SSBP2: variants seen among roughly 807,000 people sequenced by gnomAD.
The protein encoded by SSBP2 is single stranded DNA binding protein 2, also known as single-stranded DNA-binding protein 2.
SSBP2 carries 17 observed loss-of-function variants against 61.8 expected under a neutral mutation model. The observed-to-expected ratio is 0.28, with a 90% confidence interval of 0.19 to 0.41. The LOEUF (loss-of-function observed/expected upper bound fraction) is 0.41, where lower values mean the gene tolerates loss of function less well. Among genes scored for constraint, SSBP2 ranks in the 10% least tolerant of loss-of-function variants. SSBP2 has a pLI of 1.00. For missense variants in SSBP2, 310 were observed against 458.7 expected (o/e 0.68, Z 2.96); for synonymous variants, 139 against 141.3 (o/e 0.98, Z 0.12).
At chr5:81,585,392 A>T (rs1397811241) in intron 4 of SSBP2, among the ~76,000 whole-genome samples, 2 of 152,168 alleles carry the variant, frequency 1.3e-5, no homozygotes, top group African/African-American at 4.8e-5. Flanking sequence ...GATATAAGAT[A>T]TAAGCTAAAT....
intron 1 of SSBP2, among the ~76,000 whole-genome samples, chr5:81,696,879 A>G (rs928601707): frequency 1.8e-4 from 28 of 152,292 alleles, no homozygotes; most frequent in African/African-American, 6.7e-4. Context: ...CGTATTCCTC[A>G]CCTGGCATCT....
chr5:81,550,575 C>G (rs1772095969), intron 4 of SSBP2, among the ~76,000 whole-genome samples: 1 of 152,176 alleles, frequency 6.6e-6, no homozygotes, highest in Non-Finnish European at 1.5e-5. Context: ...CACAAATGGT[C>G]TAGAACCTCA....
intron 1 of SSBP2, among the ~76,000 whole-genome samples, chr5:81,688,037 C>T (rs539055716): frequency 1.1e-3 from 171 of 152,206 alleles, no homozygotes; most frequent in African/African-American, 4.0e-3. Context: ...CAGTAGGGTA[C>T]CTGCTTGGCC....
intron 1 of SSBP2, among the ~76,000 whole-genome samples, chr5:81,688,051 G>A (rs1421882206): frequency 1.3e-5 from 2 of 152,218 alleles, no homozygotes; most frequent in African/African-American, 4.8e-5. Flanking sequence ...CTTGGCCCTG[G>A]GTCCAGGCCT....
At chr5:81,424,243 G>A (rs112390191) in intron 16 of SSBP2, among the ~76,000 whole-genome samples, 49 of 152,038 alleles carry the variant, frequency 3.2e-4, no homozygotes, top group African/African-American at 8.9e-4. Context: ...GACCAACATG[G>A]TGAAACCCCG....
At chr5:81,522,413 A>G (rs1769562203) in intron 4 of SSBP2, among the ~76,000 whole-genome samples, 1 of 152,046 alleles carries the variant, frequency 6.6e-6, no homozygotes, top group African/African-American at 2.4e-5. Flanking sequence ...CAATTTTTAT[A>G]AACTTTCTGG....
At chr5:81,469,191 CTG>C (rs1204838096) in intron 8 of SSBP2, among the ~76,000 whole-genome samples, 1 of 151,902 alleles carries the variant, frequency 6.6e-6, no homozygotes, top group Non-Finnish European at 1.5e-5. Context: ...CTGCATCTCT[CTG>C]TGTGTGATCT....
intron 1 of SSBP2, among the ~76,000 whole-genome samples, chr5:81,671,023 C>T (rs1410770968): frequency 2.0e-5 from 3 of 152,068 alleles, no homozygotes; most frequent in Non-Finnish European, 4.4e-5. Flanking sequence ...GCAATATATC[C>T]GACCTGTACT....
chr5:81,484,252 A>AT (rs1414599449), intron 6 of SSBP2, among the ~76,000 whole-genome samples: 3 of 152,196 alleles, frequency 2.0e-5, no homozygotes, highest in African/African-American at 4.8e-5. Context: ...TGACTATAAG[A>AT]TAATGAGGTA....
intron 4 of SSBP2, among the ~76,000 whole-genome samples, chr5:81,522,365 T>C (rs1434422307): frequency 1.3e-5 from 2 of 152,038 alleles, no homozygotes; most frequent in African/African-American, 4.8e-5. Context: ...TAAATAGTAT[T>C]AGCTTAGAGT....
chr5:81,749,609 A>G (rs1427760627), intron 1 of SSBP2, among the ~76,000 whole-genome samples: 1 of 152,076 alleles, frequency 6.6e-6, no homozygotes, highest in Non-Finnish European at 1.5e-5. Context: ...CGACAAGGAT[A>G]ACTCTGACCC....
chr5:81,421,883 T>C (rs1001230857), intron 16 of SSBP2, among the ~76,000 whole-genome samples: 2 of 152,210 alleles, frequency 1.3e-5, no homozygotes, highest in African/African-American at 4.8e-5. Context: ...TTTTAATTTA[T>C]TCATGTATCC....
chr5:81,429,641 CTGGCTTACTTT>C (rs1233111656), intron 15 of SSBP2, among the ~76,000 whole-genome samples: 1 of 152,104 alleles, frequency 6.6e-6, no homozygotes, highest in Non-Finnish European at 1.5e-5. Flanking sequence ...TACTTACTTA[CTGGCTTACTTT>C]TTCCTAAGCC....
chr5:81,484,203 T>G (rs1766214150), intron 6 of SSBP2, among the ~76,000 whole-genome samples: 1 of 152,196 alleles, frequency 6.6e-6, no homozygotes, highest in Non-Finnish European at 1.5e-5. Context: ...ACGTATTCTA[T>G]GTATTGACTT....
intron 15 of SSBP2, among the ~76,000 whole-genome samples, chr5:81,434,759 C>T (rs1199900954): frequency 6.7e-6 from 1 of 150,294 alleles, no homozygotes; most frequent in African/African-American, 2.5e-5. Flanking sequence ...GAAATGATTC[C>T]AGGAAAACAA....
At chr5:81,601,292 G>C (rs1486073939) in intron 4 of SSBP2, among the ~76,000 whole-genome samples, 2 of 152,096 alleles carry the variant, frequency 1.3e-5, no homozygotes, top group Non-Finnish European at 2.9e-5. Context: ...AAATCAATCA[G>C]GTAGGGGTTA....
At chr5:81,423,414 G>A (rs1209683225) in intron 16 of SSBP2, among the ~76,000 whole-genome samples, 1 of 152,164 alleles carries the variant, frequency 6.6e-6, no homozygotes, top group Non-Finnish European at 1.5e-5. Flanking sequence ...AAGATACTAA[G>A]CATTTCAGAA....
chr5:81,545,772 A>G (rs575944029), intron 4 of SSBP2, among the ~76,000 whole-genome samples: 13 of 152,226 alleles, frequency 8.5e-5, no homozygotes, highest in Non-Finnish European at 1.6e-4. Context: ...TGTGTTAATA[A>G]ACAGTCTTTA....
rs1761194939 is a variant in SSBP2, at chr5:81,412,936, C to T, written c.*7568G>A. 1 of 152,082 alleles carries T rather than the reference C, an allele frequency of 6.6e-6. No individual in the cohort carries two copies. Among genetic ancestry groups the T allele is most frequent in the Non-Finnish European group, 1.5e-5 (1 of 68,030 alleles). 9.4% of individuals were successfully genotyped at this position (152,082 alleles called of 1,614,324 possible). On this transcript the variant is annotated 3_prime_UTR_variant, in exon 17 of 17. Coordinates refer to ENST00000320672, the MANE Select transcript of SSBP2 (RefSeq NM_012446.5). The stretch of plus-strand genomic sequence containing the variant: ...ATTGATATATGCATTGTAGCCTCTT[C>T]TTCCATGCATATAGATCCTTTGATA...
Sources: allele counts gnomAD v4.1 joint callset (sites outside exome capture counted in the v4.1 genomes callset), GRCh38; gene constraint gnomAD v4.1.1; transcripts MANE v1.5; gene names NCBI Gene and HGNC (gene_info 2026-07-23, HGNC 2026-07-21).